Variants in MCC observed in about 807,000 individuals in gnomAD.
MCC encodes MCC regulator of Wnt signaling pathway.
In MCC, 90 loss-of-function variants were observed where a neutral mutation model predicts 116.2. The ratio of observed to expected loss-of-function variants is 0.77; its 90% CI spans 0.65 to 0.92. The LOEUF (loss-of-function observed/expected upper bound fraction) is 0.92, where lower values mean the gene tolerates loss of function less well. MCC is among the 40% of genes least tolerant of loss of function. The probability of loss-of-function intolerance (pLI) is 0.00; values close to 1 mark genes in which losing one functional copy is unlikely to be tolerated. For synonymous variants in MCC, 578 were observed against 510.5 expected (o/e 1.13, Z -1.78); for missense variants, 1,516 against 1,312.2 (o/e 1.16, Z -2.40).
intron 3 of MCC, among the ~76,000 whole-genome samples, chr5:113,266,790 T>C (rs963327125): frequency 3.3e-5 from 5 of 150,094 alleles, no homozygotes; most frequent in Admixed American, 1.3e-4. Context: ...TCCCTCCATA[T>C]GGACAAAAAA....
intron 1 of MCC, chr5:113,433,229 C>T (rs1439929155): frequency 5.5e-6 from 1 of 182,552 alleles, no homozygotes; most frequent in Non-Finnish European, 1.2e-5. Flanking sequence ...AGCCGAAGCT[C>T]TTTCCCGCCG....
At position 113,101,960 on chromosome 5, in the gene MCC, C is replaced by T; in HGVS notation, c.1192-15G>A. ...TCCTCGACTGTCTGTAAAACACAGC[C>T]CCAAAGAAAAGTCAAGTAAGTTACC... On this transcript the variant is annotated splice_polypyrimidine_tract_variant and intron_variant, in intron 7 of 18. Coordinates refer to ENST00000408903, the MANE Select transcript of MCC (RefSeq NM_001085377.2). 6.2e-7 allele frequency: 1 copy of T among 1,613,424 alleles called. No homozygotes were observed. Among genetic ancestry groups the T allele is most frequent in the Non-Finnish European group, 8.5e-7 (1 of 1,179,816 alleles).
At chr5:113,066,155 G>A (rs1753587400) in intron 13 of MCC, among the ~76,000 whole-genome samples, 1 of 152,146 alleles carries the variant, frequency 6.6e-6, no homozygotes, top group Non-Finnish European at 1.5e-5. Context: ...ATATTTAAAA[G>A]GCAGATTTAT....
intron 3 of MCC, among the ~76,000 whole-genome samples, chr5:113,299,222 A>G (rs1766789022): frequency 7.0e-6 from 1 of 142,814 alleles, no homozygotes; most frequent in Non-Finnish European, 1.5e-5. Flanking sequence ...TGGGAGGCGG[A>G]GGTTGCAGTG....
intron 1 of MCC, among the ~76,000 whole-genome samples, chr5:113,476,862 A>T (rs1241806482): frequency 6.6e-6 from 1 of 152,184 alleles, no homozygotes; most frequent in Non-Finnish European, 1.5e-5. Context: ...AAGACCATTG[A>T]ATTGTATGCT....
At chr5:113,197,826 A>C (rs927993509) in intron 3 of MCC, among the ~76,000 whole-genome samples, 1 of 152,224 alleles carries the variant, frequency 6.6e-6, no homozygotes, top group African/African-American at 2.4e-5. Context: ...ACTTGAGCCC[A>C]AGGTGGCCAA....
chr5:113,151,605 A>G (rs2165931), intron 3 of MCC, among the ~76,000 whole-genome samples, 183 bp from the exon 4 acceptor site: 104,114 of 152,074 alleles, frequency 0.68, 35,759 homozygotes, highest in East Asian at 0.77. Context: ...CTACCAGCAA[A>G]CTGGGTTATA....
intron 1 of MCC, among the ~76,000 whole-genome samples, chr5:113,419,356 T>G (rs1770251062): frequency 3.5e-5 from 5 of 142,430 alleles, no homozygotes; most frequent in Non-Finnish European, 7.5e-5. Context: ...TTATTCTTCT[T>G]CTTTTTTTCT....
intron 3 of MCC, chr5:113,294,597 T>C (rs931611771): frequency 1.2e-4 from 143 of 1,202,498 alleles, no homozygotes; most frequent in Non-Finnish European, 3.2e-5. Flanking sequence ...GAGCCATTGC[T>C]GCAGGAGGCT....
chr5:113,039,028 T>C (rs534759326), intron 17 of MCC, among the ~76,000 whole-genome samples: 1 of 152,216 alleles, frequency 6.6e-6, no homozygotes, highest in African/African-American at 2.4e-5. Flanking sequence ...GGGCGCTGAC[T>C]CCTGCAGGTA....
At chr5:113,095,436 T>C (rs912225823) in intron 8 of MCC, among the ~76,000 whole-genome samples, 1 of 152,216 alleles carries the variant, frequency 6.6e-6, no homozygotes, top group African/African-American at 2.4e-5. Flanking sequence ...CTGGAGCAGA[T>C]TAAACAAAAT....
chr5:113,247,156 C>T (rs930201438), intron 3 of MCC, among the ~76,000 whole-genome samples: 4 of 152,152 alleles, frequency 2.6e-5, no homozygotes, highest in East Asian at 3.8e-4. Flanking sequence ...GAAGGTAGGG[C>T]GTATACTTGA....
chr5:113,092,526 G>C (rs1755713327), intron 8 of MCC, among the ~76,000 whole-genome samples: 1 of 152,138 alleles, frequency 6.6e-6, no homozygotes, highest in South Asian at 2.1e-4. Context: ...TGTTACAGCA[G>C]CCACAGGAGA....
chr5:113,437,583 T>A (rs1770899822), intron 1 of MCC, among the ~76,000 whole-genome samples: 1 of 152,198 alleles, frequency 6.6e-6, no homozygotes, highest in South Asian at 2.1e-4. Context: ...ATGATACACA[T>A]ACACTCACAC....
chr5:113,052,958 A>C (rs1434698137), intron 15 of MCC, among the ~76,000 whole-genome samples: 1 of 152,212 alleles, frequency 6.6e-6, no homozygotes, highest in African/African-American at 2.4e-5. Context: ...ACTCTGTCCC[A>C]AAACCAAGGA....
intron 3 of MCC, among the ~76,000 whole-genome samples, chr5:113,324,403 GC>G (rs1767497332): frequency 6.6e-6 from 1 of 152,028 alleles, no homozygotes; most frequent in Non-Finnish European, 1.5e-5. Context: ...AATATTCATT[GC>G]AAAAAATTAA....
At chr5:113,384,869 G>A (rs1164060585) in intron 2 of MCC, 99 bp downstream of exon 2, 5 of 1,419,716 alleles carry the variant, frequency 3.5e-6, no homozygotes, top group South Asian at 2.6e-5. Context: ...AGTATGAGCT[G>A]AGGCTGTGGC....
intron 3 of MCC, among the ~76,000 whole-genome samples, chr5:113,215,320 A>G (rs988940988): frequency 2.6e-5 from 4 of 152,192 alleles, no homozygotes; most frequent in African/African-American, 9.7e-5. Flanking sequence ...GAACCTTAAG[A>G]GATGTTTCTT....
At chr5:113,476,811 T>C (rs1772245840) in intron 1 of MCC, among the ~76,000 whole-genome samples, 1 of 152,170 alleles carries the variant, frequency 6.6e-6, no homozygotes, top group Non-Finnish European at 1.5e-5. Context: ...GAAACTATTC[T>C]AAAATTGGTT....
Sources: gnomAD v4.1 joint callset for allele counts (sites outside exome capture counted in the v4.1 genomes callset) on GRCh38, gnomAD v4.1.1 for gene constraint, MANE v1.5 for transcripts, NCBI Gene and HGNC (gene_info 2026-07-23, HGNC 2026-07-21) for gene names.